AKAP19: variants seen among roughly 807,000 people sequenced by gnomAD.
AKAP19 encodes A-kinase anchoring protein 19, also known as small A-kinase anchoring protein.
chr2:190,170,723 T>C, the AKAP19 span, among the ~76,000 whole-genome samples: 3 of 152,306 alleles, frequency 2.0e-5, no homozygotes, highest in South Asian at 2.1e-4. Context: ...AGCCTAATTG[T>C]TCACATGTAA....
At chr2:189,991,893 C>G in the AKAP19 span, among the ~76,000 whole-genome samples, 1 of 152,068 alleles carries the variant, frequency 6.6e-6, no homozygotes, top group Non-Finnish European at 1.5e-5. Context: ...AGATGAGGAT[C>G]CAGCTTCATT....
the AKAP19 span, chr2:189,930,981 C>G: frequency 7.2e-6 from 6 of 834,024 alleles, no homozygotes; most frequent in African/African-American, 6.8e-5. Context: ...AGATGTCATC[C>G]GAGGTGGGGG....
chr2:190,194,093 T>C, the AKAP19 span, among the ~76,000 whole-genome samples: 1 of 152,182 alleles, frequency 6.6e-6, no homozygotes, highest in Non-Finnish European at 1.5e-5. Flanking sequence ...TTTCTAGATA[T>C]TTTACTCTCT....
the AKAP19 span, among the ~76,000 whole-genome samples, chr2:190,069,134 A>ATG: frequency 2.3e-5 from 2 of 88,040 alleles, no homozygotes; most frequent in African/African-American, 8.5e-5. Flanking sequence ...GTGTGCATGC[A>ATG]TATGTGTGTG....
At chr2:190,181,007 G>A in the AKAP19 span, 1 of 985,620 alleles carries the variant, frequency 1.0e-6, no homozygotes, top group Non-Finnish European at 1.2e-6. Context: ...GGGCTGCTCC[G>A]GGAGCTTCGG....
At chr2:190,195,566 G>A in the AKAP19 span, among the ~76,000 whole-genome samples, 1 of 152,218 alleles carries the variant, frequency 6.6e-6, no homozygotes, top group Non-Finnish European at 1.5e-5. Context: ...AGACTTCCGT[G>A]AGGTGTCTGT....
At chr2:190,083,423 C>T in the AKAP19 span, among the ~76,000 whole-genome samples, 3 of 152,126 alleles carry the variant, frequency 2.0e-5, no homozygotes, top group Non-Finnish European at 4.4e-5. Context: ...GAAGCTGAGG[C>T]ACTAAATATA....
At chr2:190,072,159 C>T in the AKAP19 span, among the ~76,000 whole-genome samples, 2 of 152,044 alleles carry the variant, frequency 1.3e-5, no homozygotes. Context: ...AATGCAAGTA[C>T]AGAAAAACAA....
the AKAP19 span, among the ~76,000 whole-genome samples, chr2:189,940,750 G>T: frequency 6.6e-6 from 1 of 151,962 alleles, no homozygotes; most frequent in Non-Finnish European, 1.5e-5. Flanking sequence ...AATTAGCCAG[G>T]CGTGGTGGCG....
chr2:189,924,104 G>A, the AKAP19 span: 3 of 1,496,440 alleles, frequency 2.0e-6, no homozygotes, highest in Non-Finnish European at 2.7e-6. Flanking sequence ...ACTGGATGAT[G>A]ATGATAATGA....
the AKAP19 span, among the ~76,000 whole-genome samples, chr2:190,115,168 T>A: frequency 7.8e-6 from 1 of 128,572 alleles, no homozygotes; most frequent in Non-Finnish European, 1.7e-5. Context: ...TGTGTGTGTG[T>A]GAGGGGGAGA....
the AKAP19 span, among the ~76,000 whole-genome samples, chr2:189,966,039 A>G: frequency 6.6e-6 from 1 of 152,180 alleles, no homozygotes; most frequent in South Asian, 2.1e-4. Flanking sequence ...CATTTGCAGC[A>G]ACCTGGATGG....
chr2:189,979,770 A>G, the AKAP19 span, among the ~76,000 whole-genome samples: 1 of 152,216 alleles, frequency 6.6e-6, no homozygotes, highest in African/African-American at 2.4e-5. Context: ...GGACATGAAC[A>G]GACACTTCTC....
At chr2:190,042,181 G>A in the AKAP19 span, among the ~76,000 whole-genome samples, 3 of 152,044 alleles carry the variant, frequency 2.0e-5, no homozygotes, top group Non-Finnish European at 4.4e-5. Context: ...ATTTATTACT[G>A]ATTCAATTTT....
At chr2:189,985,663 T>G in the AKAP19 span, among the ~76,000 whole-genome samples, 6 of 152,184 alleles carry the variant, frequency 3.9e-5, no homozygotes, top group Non-Finnish European at 7.4e-5. Flanking sequence ...AAGCAGATTC[T>G]TCCCCAGAAC....
At chr2:189,926,022 CTG>C in the AKAP19 span, among the ~76,000 whole-genome samples, 10 of 152,310 alleles carry the variant, frequency 6.6e-5, no homozygotes, top group Admixed American at 5.9e-4. Context: ...ATTGAGTAGA[CTG>C]TGAAAAAGAA....
At chr2:190,081,087 T>C in the AKAP19 span, among the ~76,000 whole-genome samples, 11 of 152,192 alleles carry the variant, frequency 7.2e-5, no homozygotes, top group Non-Finnish European at 1.5e-4. Context: ...TGAGAGGGTC[T>C]GCAGAAAGGA....
At chr2:189,925,304 A>C in the AKAP19 span, among the ~76,000 whole-genome samples, 1 of 152,250 alleles carries the variant, frequency 6.6e-6, no homozygotes, top group African/African-American at 2.4e-5. Context: ...TTCAGTATTC[A>C]TAGCAACTTT....
At chr2:190,070,790 T>A in the AKAP19 span, among the ~76,000 whole-genome samples, 36 of 152,302 alleles carry the variant, frequency 2.4e-4, no homozygotes, top group South Asian at 6.4e-3. Context: ...ATATATTTTT[T>A]AAAAATCTCC....
Sources: gnomAD v4.1 joint callset for allele counts (sites outside exome capture counted in the v4.1 genomes callset) on GRCh38, gnomAD v4.1.1 for gene constraint, MANE v1.5 for transcripts, NCBI Gene and HGNC (gene_info 2026-07-23, HGNC 2026-07-21) for gene names.